The following BLM variants were observed in gnomAD, a reference collection of about 807,000 sequenced individuals.
BLM encodes the protein BLM RecQ like helicase.
In BLM, 95 loss-of-function variants were observed where a neutral mutation model predicts 135.3. That is an observed-to-expected ratio of 0.70 (90% CI 0.59 to 0.83). BLM has a LOEUF of 0.83. Ranked by LOEUF, BLM falls within the 40% of genes least tolerant of loss-of-function variation. The probability of loss-of-function intolerance (pLI) is 0.00; values close to 1 mark genes in which losing one functional copy is unlikely to be tolerated. For synonymous variants in BLM, 520 were observed against 589.2 expected (o/e 0.88, Z 1.70); for missense variants, 1,518 against 1,663.9 (o/e 0.91, Z 1.53).
chr15:90,783,065 A>G (rs940054196), intron 13 of BLM, 137 bp downstream of exon 13: 4 of 673,800 alleles, frequency 5.9e-6, no homozygotes, highest in African/African-American at 1.8e-5. Flanking sequence ...AGAGCAGACT[A>G]TTGCAACTCT....
intron 14 of BLM, among the ~76,000 whole-genome samples, chr15:90,789,988 T>TTTTTTTTTTG (rs1896859371): frequency 1.6e-3 from 24 of 15,004 alleles, no homozygotes; most frequent in African/African-American, 8.0e-3. Context: ...GTCCCTGGTG[T>TTTTTTTTTTG]TTTTTTTTTT....
intron 12 of BLM, among the ~76,000 whole-genome samples, chr15:90,776,667 G>A (rs1207423333): frequency 6.6e-6 from 1 of 151,960 alleles, no homozygotes; most frequent in Non-Finnish European, 1.5e-5. Context: ...GACTACAGGC[G>A]TGCACCACCA....
At chr15:90,775,804 G>A (rs994765541) in intron 12 of BLM, among the ~76,000 whole-genome samples, 6 of 152,074 alleles carry the variant, frequency 3.9e-5, no homozygotes, top group African/African-American at 7.2e-5. Flanking sequence ...CACCACGCCC[G>A]GCCATAAGCA....
At chr15:90,775,394 T>C in intron 12 of BLM, among the ~76,000 whole-genome samples, 1 of 151,630 alleles carries the variant, frequency 6.6e-6, no homozygotes, top group Non-Finnish European at 1.5e-5. Flanking sequence ...CACATGTACC[T>C]CCTGAAAAAA....
intron 1 of BLM, among the ~76,000 whole-genome samples, chr15:90,740,915 C>G (rs1895347632): frequency 1.3e-5 from 2 of 152,178 alleles, no homozygotes; most frequent in Admixed American, 1.3e-4. Context: ...CATTAAACCT[C>G]TTTTTCTTTA....
chr15:90,725,721 C>T (rs866409077), intron 1 of BLM, among the ~76,000 whole-genome samples: 43 of 151,450 alleles, frequency 2.8e-4, no homozygotes, highest in Non-Finnish European at 4.9e-4. Flanking sequence ...CTGTGTTAGC[C>T]AGGGTGGTCT....
At chr15:90,776,728 C>T (rs923171970) in intron 12 of BLM, among the ~76,000 whole-genome samples, 15 of 152,072 alleles carry the variant, frequency 9.9e-5, no homozygotes, top group African/African-American at 3.4e-4. Context: ...TTCGTAGAGA[C>T]GGAGTTTCAC....
intron 15 of BLM, 103 bp downstream of exon 15, chr15:90,790,947 T>TC (rs1402111486): frequency 4.1e-6 from 5 of 1,227,948 alleles, no homozygotes; most frequent in Non-Finnish European, 5.9e-6. Flanking sequence ...CCTTAAATAA[T>TC]CGTAGAAAAA....
intron 1 of BLM, among the ~76,000 whole-genome samples, chr15:90,739,670 G>A (rs947739336): frequency 6.6e-6 from 1 of 152,226 alleles, no homozygotes; most frequent in African/African-American, 2.4e-5. Context: ...CATACTGTAT[G>A]AGTCTGCTGA....
chr15:90,729,202 C>T lies in BLM; in HGVS notation c.-5+11762C>T, dbSNP rs566965055. Among the ~76,000 whole-genome samples the T allele has an allele frequency of 2.0e-5, 3 of 152,116 alleles. No individual in the cohort carries two copies. In the South Asian group the frequency reaches 6.2e-4, roughly 32 times the overall value. On this transcript the variant is annotated intron_variant, in intron 1 of 21. Transcript: ENST00000355112. ...GTACGCGCTTGTAATCCCAGCTACTCAGGAGGCTGAGGTAGGAGAATTGCT... is the reference window on the plus strand; with the variant it reads ...GTACGCGCTTGTAATCCCAGCTACTTAGGAGGCTGAGGTAGGAGAATTGCT...
intron 1 of BLM, among the ~76,000 whole-genome samples, chr15:90,742,951 T>C (rs193203223): frequency 6.6e-6 from 1 of 152,052 alleles, no homozygotes; most frequent in African/African-American, 2.4e-5. Flanking sequence ...GAAAAATTCT[T>C]AATAGCCAGT....
chr15:90,729,121 C>A lies in BLM; in HGVS notation c.-5+11681C>A, dbSNP rs1894995937. ...GGTCGGGAGTTTGAGACTAGCCTGG[C>A]CAACGTGGCGAAACTCCATCTCTAC... On this transcript the variant is annotated intron_variant, in intron 1 of 21. Transcript: ENST00000355112. Among the ~76,000 whole-genome samples the A allele has an allele frequency of 2.6e-5, 4 of 152,074 alleles. No homozygotes were observed. The South Asian group carries it at 8.3e-4, about 32-fold the overall frequency.
chr15:90,781,305 G>T (rs1272151197), intron 12 of BLM, among the ~76,000 whole-genome samples: 1 of 152,116 alleles, frequency 6.6e-6, no homozygotes, highest in Non-Finnish European at 1.5e-5. Flanking sequence ...ACTAGAAGAA[G>T]AACGATTGTC....
At chr15:90,775,669 G>A (rs958695505) in intron 12 of BLM, among the ~76,000 whole-genome samples, 4 of 151,724 alleles carry the variant, frequency 2.6e-5, no homozygotes, top group Non-Finnish European at 5.9e-5. Flanking sequence ...TTGCCGCCAT[G>A]CCCGGCTAAT....
At chr15:90,761,645 A>G (rs1030574898) in intron 7 of BLM, among the ~76,000 whole-genome samples, 2 of 152,222 alleles carry the variant, frequency 1.3e-5, no homozygotes, top group Non-Finnish European at 2.9e-5. Context: ...ATGAGAATCG[A>G]TTAATACAAA....
At chr15:90,787,642 A>G (rs1279841610) in intron 14 of BLM, among the ~76,000 whole-genome samples, 1 of 152,136 alleles carries the variant, frequency 6.6e-6, no homozygotes, top group Admixed American at 6.6e-5. Flanking sequence ...GGTGAGATGA[A>G]GGGAGAAATA....
At chr15:90,787,318 G>A (rs927087449) in intron 14 of BLM, among the ~76,000 whole-genome samples, 1 of 152,022 alleles carries the variant, frequency 6.6e-6, no homozygotes. Context: ...CTCCCAAAAT[G>A]CTGGGATTAC....
intron 4 of BLM, among the ~76,000 whole-genome samples, chr15:90,753,039 T>C (rs1895729892): frequency 6.6e-6 from 1 of 152,190 alleles, no homozygotes; most frequent in Non-Finnish European, 1.5e-5. Flanking sequence ...ACGCAAATAA[T>C]ATAATCATTT....
intron 15 of BLM, among the ~76,000 whole-genome samples, chr15:90,793,095 CAT>C (rs1896945329): frequency 1.3e-5 from 2 of 149,878 alleles, no homozygotes; most frequent in Admixed American, 6.7e-5. Flanking sequence ...GAAAAATACT[CAT>C]AAACTGGAAG....
Sources: gnomAD v4.1 joint callset for allele counts (sites outside exome capture counted in the v4.1 genomes callset) on GRCh38, gnomAD v4.1.1 for gene constraint, MANE v1.5 for transcripts, NCBI Gene and HGNC (gene_info 2026-07-23, HGNC 2026-07-21) for gene names.